Variants in STYXL1 observed in about 807,000 individuals in gnomAD.
STYXL1 encodes the protein serine/threonine/tyrosine-interacting-like protein 1.
A neutral mutation model predicts 36.4 loss-of-function variants in STYXL1; 32 were observed. That is an observed-to-expected ratio of 0.88 (90% CI 0.66 to 1.18). STYXL1 has a LOEUF of 1.18. STYXL1 is among the 50% of genes most tolerant of loss of function. The probability of loss-of-function intolerance (pLI) is 0.00; values close to 1 mark genes in which losing one functional copy is unlikely to be tolerated. For synonymous variants in STYXL1, 133 were observed against 144.1 expected, an observed-to-expected ratio of 0.92 and a Z score of 0.55; for missense variants, 354 against 394.1, an observed-to-expected ratio of 0.90 and a Z score of 0.86.
Position 76,047,670 on chromosome 7 carries a change from A to G in STYXL1, c.-13T>C, listed in dbSNP as rs2302436. 5.6e-6 allele frequency: 1 copy of G among 178,202 alleles called. No individual in the cohort carries two copies. The highest frequency in any genetic ancestry group is 9.2e-5 in the South Asian group (1 of 10,890). The allele number at this position is 178,202 out of a possible 1,614,324, so 11.0% of individuals were successfully genotyped here. A position where few individuals can be genotyped will look rare whatever the true frequency, so the allele number is the denominator to read the frequency against. ...AGCCTCCCTGACCCTACCTTTCCGG[A>G]GCTCAGAGTCCCCTCTGGCCTCCAA... is the stretch of plus-strand genomic sequence containing the variant. On this transcript the variant is annotated 5_prime_UTR_variant, in exon 1 of 9. Transcript: ENST00000359697.
chr7:76,000,218 CAAAAAAA>C (rs35153306), intron 8 of STYXL1, among the ~76,000 whole-genome samples: 2 of 69,462 alleles, frequency 2.9e-5, no homozygotes, highest in African/African-American at 1.1e-4. Context: ...GACTCCATCT[CAAAAAAA>C]AAAAAAAAAA....
intron 1 of STYXL1, among the ~76,000 whole-genome samples, chr7:76,043,126 T>A (rs1380998554): frequency 6.6e-6 from 1 of 152,136 alleles, no homozygotes; most frequent in Non-Finnish European, 1.5e-5. Context: ...GCTATTTTAC[T>A]CATTTATTTT....
chr7:76,005,576 G>A (rs1791565958), intron 5 of STYXL1, among the ~76,000 whole-genome samples, 172 bp from the exon 6 acceptor site: 1 of 152,172 alleles, frequency 6.6e-6, no homozygotes. Flanking sequence ...TGCATGGGGT[G>A]GCACAGGGCG....
In STYXL1 at chr7:76,003,861, C is replaced by T. The variant is rs368720469; in HGVS notation, c.600-6G>A. On this transcript the variant is annotated splice_polypyrimidine_tract_variant and splice_region_variant and intron_variant, in intron 6 of 8. Transcript: ENST00000359697. The stretch of plus-strand genomic sequence containing the variant: ...TGTCAGCATCGCCTGCAAAACTACA[C>T]GGAAGGACCACACAGGTCATCAGGT... 1.2e-4 allele frequency: 196 copies of T among 1,613,810 alleles called. No individual in the cohort carries two copies. The African/African-American group carries it at 1.8e-3, about 15-fold the overall frequency.
chr7:76,029,833 C>G (rs1210755513), intron 2 of STYXL1, among the ~76,000 whole-genome samples: 2 of 152,060 alleles, frequency 1.3e-5, no homozygotes, highest in Non-Finnish European at 2.9e-5. Flanking sequence ...GCTGATCTGA[C>G]AGCAGGTGGA....
At chr7:76,026,898 AAGATAAG>A (rs1256143337) in intron 3 of STYXL1, among the ~76,000 whole-genome samples, 2 of 152,092 alleles carry the variant, frequency 1.3e-5, no homozygotes, top group East Asian at 3.9e-4. Flanking sequence ...GATACAAAAA[AAGATAAG>A]AAAAAATTAG....
intron 3 of STYXL1, among the ~76,000 whole-genome samples, chr7:76,025,270 A>G (rs1010896600): frequency 1.3e-5 from 2 of 151,962 alleles, no homozygotes. Context: ...ACTGCACTCC[A>G]GCCTGGGCGA....
At chr7:76,006,120 G>A (rs1348795792) in intron 5 of STYXL1, among the ~76,000 whole-genome samples, 3 of 151,958 alleles carry the variant, frequency 2.0e-5, no homozygotes, top group African/African-American at 7.3e-5. Context: ...ACCCAGGCTG[G>A]AGTGCAAGTG....
At chr7:76,000,334 C>T (rs904009844) in intron 8 of STYXL1, 44 of 442,652 alleles carry the variant, frequency 9.9e-5, no homozygotes, top group African/African-American at 8.4e-4. Context: ...TTGTCCCTCT[C>T]CTTCCCCCAA....
chr7:76,001,951 AT>A (rs1790999064), intron 7 of STYXL1, among the ~76,000 whole-genome samples: 2 of 149,992 alleles, frequency 1.3e-5, no homozygotes, highest in African/African-American at 4.9e-5. Flanking sequence ...ATTTTTATTT[AT>A]TTTATTTTAG....
chr7:76,005,673 T>A (rs1791581948), intron 5 of STYXL1, among the ~76,000 whole-genome samples: 1 of 152,122 alleles, frequency 6.6e-6, no homozygotes, highest in Non-Finnish European at 1.5e-5. Context: ...CTGTTTACAC[T>A]TGGCCAGGTG....
chr7:76,026,192 CAAAAAAAAAAAAAAAAAAAAAAAAAA>C (rs1159067824), intron 3 of STYXL1, among the ~76,000 whole-genome samples: 2 of 18,624 alleles, frequency 1.1e-4, no homozygotes, highest in Middle Eastern at 0.062. Flanking sequence ...ACTCTGTCTC[CAAAAAAAAAAAAAAAAAAAAAAAAAA>C]AAAAAAAAAA....
Position 76,003,785 on chromosome 7 carries a change from A to G in STYXL1, c.670T>C (p.Phe224Leu). 6.2e-7 allele frequency: 1 copy of G among 1,614,206 alleles called. No individual in the cohort carries two copies. The highest frequency in any genetic ancestry group is 2.2e-5 in the East Asian group (1 of 44,886). ...EDSPEAQILP[F>L]LRHMCHFIEI... ...ATGAAGTGACACATGTGGCGTAAGA[A>G]GGGAAGAATCTGGGCTTCCGGGGAA... Residue 224 changes from phenylalanine (F) to leucine (L), a missense_variant, in exon 7 of 9, where the codon TTC becomes CTC. Coordinates refer to ENST00000359697, the MANE Select transcript of STYXL1 (RefSeq NM_001317785.2).
rs187513311 is a variant in STYXL1, at chr7:76,036,878, G to A, written c.-4-6351C>T. On this transcript the variant is annotated intron_variant, in intron 1 of 8. Transcript: ENST00000359697. ...CTGCTCACTGCAACCTCCGCCTCCC[G>A]GGTTCATGCCATTCTCCTGCCTCAG... Among the ~76,000 whole-genome samples, 14 of 135,334 alleles carry A rather than the reference G, an allele frequency of 1.0e-4. 2 individuals are homozygous for A. Among genetic ancestry groups the A allele is most frequent in the East Asian group, 2.1e-4 (1 of 4,760 alleles). The allele number at this position is 135,334 out of a possible 152,430, so 88.8% of individuals were successfully genotyped here. A position where few individuals can be genotyped will look rare whatever the true frequency, so the allele number is the denominator to read the frequency against.
intron 4 of STYXL1, among the ~76,000 whole-genome samples, chr7:76,014,551 C>T (rs1374688734): frequency 6.6e-6 from 1 of 151,760 alleles, no homozygotes; most frequent in Non-Finnish European, 1.5e-5. Flanking sequence ...CAGTGTCTCA[C>T]TTTTTTGCCC....
intron 2 of STYXL1, 38 bp downstream of exon 2, chr7:76,030,383 C>A (rs1287440288): frequency 2.0e-6 from 3 of 1,468,380 alleles, no homozygotes; most frequent in Non-Finnish European, 2.9e-6. Context: ...TTGAAGGACA[C>A]TGTGTTTGAC....
chr7:76,006,437 A>C (rs1416189550), intron 5 of STYXL1, among the ~76,000 whole-genome samples: 4 of 152,008 alleles, frequency 2.6e-5, no homozygotes, highest in Non-Finnish European at 5.9e-5. Flanking sequence ...CTTAAATGGG[A>C]GCTTCCTGAG....
intron 7 of STYXL1, among the ~76,000 whole-genome samples, chr7:76,002,805 T>G (rs1438039622): frequency 6.6e-6 from 1 of 152,154 alleles, no homozygotes; most frequent in African/African-American, 2.4e-5. Context: ...ATGCCTGTAG[T>G]CCCAGCTACT....
At chr7:76,022,537 C>T (rs528903260) in intron 3 of STYXL1, among the ~76,000 whole-genome samples, 6 of 151,426 alleles carry the variant, frequency 4.0e-5, no homozygotes, top group Admixed American at 2.0e-4. Flanking sequence ...TAGTGGCATG[C>T]GCCTGTAGTC....
Sources: allele counts gnomAD v4.1 joint callset (sites outside exome capture counted in the v4.1 genomes callset), GRCh38; gene constraint gnomAD v4.1.1; transcripts MANE v1.5; gene names NCBI Gene and HGNC (gene_info 2026-07-23, HGNC 2026-07-21).